The following IPO11 variants were observed in gnomAD, a reference collection of about 807,000 sequenced individuals.
The protein encoded by IPO11 is importin-11.
In IPO11, 66 loss-of-function variants were observed where a neutral mutation model predicts 143.2. The observed-to-expected ratio is 0.46, with a 90% CI of 0.38 to 0.57. IPO11 has a LOEUF of 0.57. IPO11 is among the 20% of genes least tolerant of loss of function. The probability of loss-of-function intolerance (pLI) is 0.00; values close to 1 mark genes in which losing one functional copy is unlikely to be tolerated. For synonymous variants in IPO11, 385 were observed against 377.8 expected (o/e 1.02, Z -0.22); for missense variants, 1,026 against 1,141.0 (o/e 0.90, Z 1.45).
chr5:62,444,097 CTT>C (rs533439906), intron 3 of IPO11, among the ~76,000 whole-genome samples: 11 of 139,130 alleles, frequency 7.9e-5, no homozygotes, highest in African/African-American at 1.1e-4. Context: ...ATGTCTTTTT[CTT>C]TTTTTTTTTT....
intron 26 of IPO11, among the ~76,000 whole-genome samples, chr5:62,553,648 A>ATT (rs575122611): frequency 2.2e-5 from 3 of 137,670 alleles, no homozygotes; most frequent in South Asian, 2.3e-4. Flanking sequence ...CCTTTCCAGC[A>ATT]TTTTTTTTTT....
chr5:62,440,848 A>G (rs1037452465), intron 2 of IPO11, among the ~76,000 whole-genome samples: 1 of 151,720 alleles, frequency 6.6e-6, no homozygotes, highest in Non-Finnish European at 1.5e-5. Flanking sequence ...CTGTAATCCC[A>G]GCTATTCGGG....
rs1334368137 is a variant in IPO11, at chr5:62,591,586, A to G, written c.2592A>G (p.Gln864=). Residue 864 remains glutamine (Q), a synonymous_variant, in exon 28 of 30, where the codon CAA becomes CAG. Coordinates refer to ENST00000325324, the MANE Select transcript of IPO11 (RefSeq NM_016338.5). ...SLLPSDNSVI[Q]DKFCGIINIS... ...TTTTCTTTTATTCTAGTGTTATCCA[A>G]GATAAATTCTGTGGGATTATAAACA... 4.4e-6 allele frequency: 7 copies of G among 1,595,218 alleles called. No homozygotes were observed. Among genetic ancestry groups the G allele is most frequent in the Non-Finnish European group, 6.0e-6 (7 of 1,169,986 alleles).
intron 29 of IPO11, among the ~76,000 whole-genome samples, chr5:62,606,384 G>A (rs912630150): frequency 2.7e-5 from 4 of 150,604 alleles, no homozygotes; most frequent in Non-Finnish European, 5.9e-5. Flanking sequence ...GGAGGCTGAG[G>A]TGGGAGGATT....
At chr5:62,439,834 T>C (rs975700131) in intron 2 of IPO11, among the ~76,000 whole-genome samples, 13 of 152,200 alleles carry the variant, frequency 8.5e-5, no homozygotes, top group Admixed American at 7.9e-4. Flanking sequence ...CATTTGATCT[T>C]ACCTAGCTGT....
At chr5:62,421,230 A>G (rs1182409021) in intron 1 of IPO11, among the ~76,000 whole-genome samples, 3 of 152,190 alleles carry the variant, frequency 2.0e-5, no homozygotes, top group Non-Finnish European at 4.4e-5. Flanking sequence ...GTTGATTCAC[A>G]AGGGTTCCTT....
intron 27 of IPO11, chr5:62,579,594 G>A: frequency 1.3e-6 from 2 of 1,551,022 alleles, no homozygotes; most frequent in Non-Finnish European, 1.7e-6. Flanking sequence ...TAGGCCTTTC[G>A]AGTATTCCTA....
intron 21 of IPO11, among the ~76,000 whole-genome samples, chr5:62,527,769 T>A (rs985427825): frequency 6.6e-6 from 1 of 152,226 alleles, no homozygotes; most frequent in African/African-American, 2.4e-5. Context: ...AAAATTTTTT[T>A]AATTACCTAA....
chr5:62,563,476 T>A (rs960213856), intron 27 of IPO11, among the ~76,000 whole-genome samples: 9 of 152,150 alleles, frequency 5.9e-5, no homozygotes, highest in Middle Eastern at 3.2e-3. Context: ...CATATAATAT[T>A]ATGTAAGTGT....
At chr5:62,440,822 G>C (rs181708731) in intron 2 of IPO11, among the ~76,000 whole-genome samples, 5 of 152,104 alleles carry the variant, frequency 3.3e-5, no homozygotes, top group African/African-American at 1.2e-4. Flanking sequence ...AATTAGCCGG[G>C]AGTGGTGGTG....
chr5:62,483,501 A>G (rs1386998882), intron 10 of IPO11: 1 of 431,798 alleles, frequency 2.3e-6, no homozygotes, highest in Non-Finnish European at 4.0e-6. Context: ...CATTTTTTGT[A>G]GCACAAATTG....
intron 15 of IPO11, among the ~76,000 whole-genome samples, chr5:62,492,551 A>C (rs1746657657): frequency 6.6e-6 from 1 of 151,858 alleles, no homozygotes; most frequent in Admixed American, 6.6e-5. Flanking sequence ...TATTTATGTT[A>C]TTTAATTTTT....
chr5:62,599,298 C>G (rs1029950123), intron 28 of IPO11, among the ~76,000 whole-genome samples: 3 of 152,204 alleles, frequency 2.0e-5, no homozygotes, highest in African/African-American at 7.2e-5. Flanking sequence ...TAGAGTGGAA[C>G]TAAGCTTTTT....
intron 11 of IPO11, among the ~76,000 whole-genome samples, chr5:62,484,755 A>G (rs26638): frequency 0.71 from 108,108 of 151,854 alleles, 39,181 homozygotes; most frequent in African/African-American, 0.85. Flanking sequence ...TTGGTTGTGT[A>G]CCCTTGTGTA....
chr5:62,506,504 T>C (rs1382970084), intron 19 of IPO11, 147 bp downstream of exon 19: 1 of 504,140 alleles, frequency 2.0e-6, no homozygotes, highest in Non-Finnish European at 3.5e-6. Flanking sequence ...TTATGTATTA[T>C]TCAAAATTGA....
chr5:62,503,790 T>C (rs192064948), intron 16 of IPO11, among the ~76,000 whole-genome samples: 27 of 152,308 alleles, frequency 1.8e-4, no homozygotes, highest in African/African-American at 6.3e-4. Context: ...GGTGGCTAAT[T>C]GCATCTCAAG....
chr5:62,552,040 CGT>C, intron 26 of IPO11, among the ~76,000 whole-genome samples: 1 of 152,112 alleles, frequency 6.6e-6, no homozygotes, highest in East Asian at 1.9e-4. Flanking sequence ...AGGAGAATGG[CGT>C]GAACCCGGGA....
intron 16 of IPO11, among the ~76,000 whole-genome samples, chr5:62,495,853 C>A (rs963002840): frequency 1.1e-4 from 16 of 152,082 alleles, no homozygotes; most frequent in Admixed American, 9.8e-4. Context: ...TCAGCCAGCA[C>A]CTTAAAAACA....
At chr5:62,555,243 G>A (rs906781886) in intron 26 of IPO11, among the ~76,000 whole-genome samples, 2 of 150,614 alleles carry the variant, frequency 1.3e-5, no homozygotes, top group Admixed American at 1.3e-4. Flanking sequence ...CGAACATGGT[G>A]TGTCTTTTTT....
Sources: allele counts gnomAD v4.1 joint callset (sites outside exome capture counted in the v4.1 genomes callset), GRCh38; gene constraint gnomAD v4.1.1; transcripts MANE v1.5; gene names NCBI Gene and HGNC (gene_info 2026-07-23, HGNC 2026-07-21).